The following ATP2B2 variants were observed in gnomAD, a reference collection of about 807,000 sequenced individuals.
ATP2B2 encodes the protein ATPase plasma membrane Ca2+ transporting 2.
ATP2B2 carries 15 observed loss-of-function variants against 120.0 expected under a neutral mutation model. The observed-to-expected ratio is 0.12, with a 90% CI of 0.08 to 0.19. ATP2B2 has a LOEUF of 0.19. Among genes scored for constraint, ATP2B2 ranks in the 10% least tolerant of loss-of-function variants. ATP2B2 has a pLI of 1.00. For missense variants in ATP2B2, 1,045 were observed against 1,719.8 expected, an observed-to-expected ratio of 0.61 and a Z score of 6.94; for synonymous variants, 694 against 700.3, an observed-to-expected ratio of 0.99 and a Z score of 0.14.
chr3:10,470,556 C>T (rs933968805), intron 1 of ATP2B2, among the ~76,000 whole-genome samples: 1 of 152,164 alleles, frequency 6.6e-6, no homozygotes, highest in African/African-American at 2.4e-5. Flanking sequence ...GTATGCTGGG[C>T]TCAAGAGGGT....
chr3:10,651,567 G>C (rs1475560299), intron 1 of ATP2B2, among the ~76,000 whole-genome samples: 1 of 152,132 alleles, frequency 6.6e-6, no homozygotes, highest in Non-Finnish European at 1.5e-5. Context: ...GCCCAGTCTT[G>C]GATATGTCTT....
At chr3:10,394,179 G>C (rs1013128478) in intron 5 of ATP2B2, among the ~76,000 whole-genome samples, 2 of 152,122 alleles carry the variant, frequency 1.3e-5, no homozygotes, top group African/African-American at 4.8e-5. Flanking sequence ...TCAGTGGGGA[G>C]AGGCTGTGAA....
chr3:10,456,552 G>A (rs1023603746), intron 1 of ATP2B2, among the ~76,000 whole-genome samples: 1 of 152,184 alleles, frequency 6.6e-6, no homozygotes, highest in Non-Finnish European at 1.5e-5. Flanking sequence ...TTCTGGCAAC[G>A]AGGAAACACT....
At chr3:10,449,316 A>G (rs2063947448) in intron 2 of ATP2B2, 29 bp downstream of exon 2, 4 of 1,613,760 alleles carry the variant, frequency 2.5e-6, no homozygotes, top group Non-Finnish European at 3.4e-6. Context: ...CCTAGGCTGC[A>G]GCCCTGGGTT....
intron 1 of ATP2B2, among the ~76,000 whole-genome samples, chr3:10,455,737 CA>C (rs2064231288): frequency 6.6e-6 from 1 of 152,216 alleles, no homozygotes; most frequent in South Asian, 2.1e-4. Flanking sequence ...AGAGGTTGAG[CA>C]ACACACTAGG....
At chr3:10,571,760 C>A (rs756204852) in intron 2 of ATP2B2, among the ~76,000 whole-genome samples, 2 of 152,168 alleles carry the variant, frequency 1.3e-5, no homozygotes, top group Non-Finnish European at 2.9e-5. Flanking sequence ...AGGAAATGAG[C>A]ATCGTTGGGT....
chr3:10,588,654 C>T (rs1026354430), intron 2 of ATP2B2, among the ~76,000 whole-genome samples: 4 of 152,180 alleles, frequency 2.6e-5, no homozygotes, highest in Admixed American at 1.3e-4. Context: ...TCTCAACCCA[C>T]GTATCTCTCA....
At chr3:10,699,547 T>C (rs369372297) in intron 1 of ATP2B2, among the ~76,000 whole-genome samples, 1 of 152,226 alleles carries the variant, frequency 6.6e-6, no homozygotes, top group African/African-American at 2.4e-5. Flanking sequence ...ATTAGAGTTT[T>C]ACTTTCTTTT....
At chr3:10,470,973 T>C (rs1302856616) in intron 1 of ATP2B2, among the ~76,000 whole-genome samples, 1 of 152,118 alleles carries the variant, frequency 6.6e-6, no homozygotes, top group Non-Finnish European at 1.5e-5. Context: ...CTCAGAGCGA[T>C]GGCTGGAGGG....
intron 1 of ATP2B2, among the ~76,000 whole-genome samples, chr3:10,451,387 C>G (rs1000246214): frequency 6.6e-6 from 1 of 152,174 alleles, no homozygotes; most frequent in Non-Finnish European, 1.5e-5. Flanking sequence ...GTTTTTGGAG[C>G]CCTGGTTCAC....
chr3:10,654,655 T>G (rs1295080096), intron 1 of ATP2B2, among the ~76,000 whole-genome samples: 1 of 152,006 alleles, frequency 6.6e-6, no homozygotes, highest in Non-Finnish European at 1.5e-5. Flanking sequence ...TGCAATCTAG[T>G]GCAGAAGGTC....
chr3:10,557,048 T>C (rs1222188997), intron 2 of ATP2B2, among the ~76,000 whole-genome samples: 2 of 152,204 alleles, frequency 1.3e-5, no homozygotes, highest in Non-Finnish European at 2.9e-5. Context: ...GCCCCCAGAC[T>C]GTCCTGCCAT....
intron 2 of ATP2B2, among the ~76,000 whole-genome samples, chr3:10,436,237 T>G (rs939748966): frequency 8.5e-5 from 13 of 152,398 alleles, no homozygotes; most frequent in Admixed American, 7.2e-4. Flanking sequence ...ATATAAATTA[T>G]ATTTTAAAAG....
At position 10,329,812 on chromosome 3, in the gene ATP2B2, G is replaced by A. The variant is rs967070783; in HGVS notation, c.3421-687C>T. 6.6e-6 allele frequency among the ~76,000 whole-genome samples: 1 copy of A among 152,174 alleles called. No homozygotes were observed. Among genetic ancestry groups the A allele is most frequent in the Non-Finnish European group, 1.5e-5 (1 of 68,040 alleles). On this transcript the variant is annotated intron_variant, in intron 22 of 22. Transcript: ENST00000360273. This position sits in a 1 kb window ranked among gnomAD's most constrained non-coding sequence, Gnocchi z 5.9. ...AGCTGGCGGACAGATGACATTCGGGGGCGGGCTGCATGCCACGGGGAGGCC... is the reference window on the plus strand; with the variant it reads ...AGCTGGCGGACAGATGACATTCGGGAGCGGGCTGCATGCCACGGGGAGGCC...
chr3:10,675,837 T>A (rs944242740), intron 1 of ATP2B2, among the ~76,000 whole-genome samples: 1 of 152,220 alleles, frequency 6.6e-6, no homozygotes, highest in Admixed American at 6.5e-5. Flanking sequence ...CTGCCTGCAA[T>A]GCCCTTTCCC....
chr3:10,455,057 T>A (rs77886986), intron 1 of ATP2B2, among the ~76,000 whole-genome samples: 16 of 152,344 alleles, frequency 1.1e-4, no homozygotes, highest in Non-Finnish European at 1.9e-4. Context: ...GTGTCTGGCA[T>A]CCAGAAGGCA....
rs2062261799 is a variant in ATP2B2, at chr3:10,402,647, C to G, written c.398-299G>C. 6.6e-6 allele frequency among the ~76,000 whole-genome samples: 1 copy of G among 152,214 alleles called. No homozygotes were observed. The highest frequency in any genetic ancestry group is 2.4e-5 in the African/African-American group (1 of 41,456). The stretch of plus-strand genomic sequence containing the variant: ...AAGCTGGAATGTGAACCCAGGCAGT[C>G]TGGCTTCAGAGCCCACCATCTTAGC... On this transcript the variant is annotated intron_variant, in intron 3 of 22. Coordinates refer to ENST00000360273, the MANE Select transcript of ATP2B2 (RefSeq NM_001001331.4). The surrounding 1 kb of genome is among the most constrained non-coding windows in gnomAD (Gnocchi z 4.9).
At chr3:10,529,265 G>C (rs1420540727) in intron 3 of ATP2B2, among the ~76,000 whole-genome samples, 1 of 152,210 alleles carries the variant, frequency 6.6e-6, no homozygotes, top group Non-Finnish European at 1.5e-5. Context: ...ACGCTTTGAA[G>C]ATTATTTTGG....
At chr3:10,388,953 A>G (rs1296744398) in intron 5 of ATP2B2, among the ~76,000 whole-genome samples, 1 of 152,206 alleles carries the variant, frequency 6.6e-6, no homozygotes, top group African/African-American at 2.4e-5. Flanking sequence ...CTTTATGCCA[A>G]TATAATTGGT....
Sources: allele counts gnomAD v4.1 joint callset (sites outside exome capture counted in the v4.1 genomes callset), GRCh38; gene constraint gnomAD v4.1.1; non-coding constraint Gnocchi (gnomAD v3.1); transcripts MANE v1.5; gene names NCBI Gene and HGNC (gene_info 2026-07-23, HGNC 2026-07-21).